Variants in PRKG1 observed in about 807,000 individuals in gnomAD.
PRKG1 encodes protein kinase cGMP-dependent 1.
Under a neutral mutation model 88.1 loss-of-function variants are expected in PRKG1, and 35 were observed. The observed-to-expected ratio is 0.40, with a 90% CI of 0.30 to 0.53. PRKG1 has a LOEUF of 0.53. Ranked by LOEUF, PRKG1 falls within the 20% of genes least tolerant of loss-of-function variation. PRKG1 has a pLI of 0.59. For synonymous variants in PRKG1, 303 were observed against 292.5 expected, an observed-to-expected ratio of 1.04 and a Z score of -0.37; for missense variants, 540 against 839.8, an observed-to-expected ratio of 0.64 and a Z score of 4.41.
At chr10:51,335,532 G>A (rs756351278) in intron 2 of PRKG1, among the ~76,000 whole-genome samples, 5 of 151,680 alleles carry the variant, frequency 3.3e-5, no homozygotes, top group Non-Finnish European at 5.9e-5. Context: ...ATTCATTTAT[G>A]CTACATATTT....
At chr10:52,277,973 A>C (rs1215596829) in intron 12 of PRKG1, among the ~76,000 whole-genome samples, 1 of 152,172 alleles carries the variant, frequency 6.6e-6, no homozygotes, top group East Asian at 1.9e-4. Flanking sequence ...AGCTTTCAAA[A>C]AGGCCCACTC....
chr10:52,150,987 C>A (rs916335283), intron 8 of PRKG1, among the ~76,000 whole-genome samples: 17 of 148,022 alleles, frequency 1.1e-4, no homozygotes, highest in Non-Finnish European at 1.9e-4. Context: ...ATAAATATGG[C>A]CTATTTGTTT....
At chr10:52,197,993 G>A (rs1839552117) in intron 9 of PRKG1, among the ~76,000 whole-genome samples, 1 of 152,084 alleles carries the variant, frequency 6.6e-6, no homozygotes, top group Non-Finnish European at 1.5e-5. Context: ...TTTACCCACT[G>A]GGAGGACACA....
chr10:51,556,950 C>A (rs1837328764), intron 3 of PRKG1, among the ~76,000 whole-genome samples: 1 of 149,782 alleles, frequency 6.7e-6, no homozygotes, highest in Admixed American at 6.7e-5. Flanking sequence ...TGTTGACTTT[C>A]ATGGAATTTA....
intron 2 of PRKG1, among the ~76,000 whole-genome samples, chr10:51,305,426 G>A (rs1402419404): frequency 6.6e-6 from 1 of 152,118 alleles, no homozygotes; most frequent in Non-Finnish European, 1.5e-5. Flanking sequence ...GGGGTGACTG[G>A]TAGATGCATT....
intron 7 of PRKG1, among the ~76,000 whole-genome samples, chr10:52,123,038 A>T (rs1847856262): frequency 6.6e-6 from 1 of 152,198 alleles, no homozygotes; most frequent in Non-Finnish European, 1.5e-5. Flanking sequence ...AAAATTGTCA[A>T]TATTTGGCTG....
rs552948877 is a variant in PRKG1, at chr10:51,776,076, T to C, written c.593-28509T>C. ...CCCCACTGAAACAAAAAGAAAATAT[T>C]AAGAGTACCTATTTCAGTGGGTTGT... On this transcript the variant is annotated intron_variant, in intron 3 of 17. Transcript: ENST00000373980. Among the ~76,000 whole-genome samples, 257 of 152,214 alleles carry C rather than the reference T, an allele frequency of 1.7e-3. 2 individuals carry two copies. The highest frequency in any genetic ancestry group is 6.1e-3 in the African/African-American group (252 of 41,514).
At chr10:51,381,664 A>G (rs1174737832) in intron 2 of PRKG1, among the ~76,000 whole-genome samples, 5 of 152,222 alleles carry the variant, frequency 3.3e-5, no homozygotes. Context: ...ATGGAAAAGA[A>G]CTAAGAATAT....
At chr10:52,230,195 A>G (rs1394080908) in intron 9 of PRKG1, among the ~76,000 whole-genome samples, 2 of 152,154 alleles carry the variant, frequency 1.3e-5, no homozygotes, top group Non-Finnish European at 2.9e-5. Flanking sequence ...CATTAACTTT[A>G]TATAGTAACA....
intron 8 of PRKG1, among the ~76,000 whole-genome samples, chr10:52,151,676 A>G (rs1837930865): frequency 6.6e-6 from 1 of 152,144 alleles, no homozygotes; most frequent in Non-Finnish European, 1.5e-5. Flanking sequence ...CATTGCATGG[A>G]CCATTTGATT....
chr10:51,437,136 A>C (rs1838955901), intron 2 of PRKG1, among the ~76,000 whole-genome samples: 1 of 152,004 alleles, frequency 6.6e-6, no homozygotes, highest in African/African-American at 2.4e-5. Flanking sequence ...AAGTCTAACT[A>C]GGAGAGATAA....
At chr10:51,452,400 C>G (rs1159857618) in intron 2 of PRKG1, among the ~76,000 whole-genome samples, 1 of 151,802 alleles carries the variant, frequency 6.6e-6, no homozygotes, top group Non-Finnish European at 1.5e-5. Flanking sequence ...CAACTTTTCC[C>G]CATTCAGTGT....
At chr10:51,841,686 T>G (rs192922153) in intron 4 of PRKG1, among the ~76,000 whole-genome samples, 3 of 151,848 alleles carry the variant, frequency 2.0e-5, no homozygotes, top group Non-Finnish European at 4.4e-5. Flanking sequence ...TTTTTATGTG[T>G]TTTTTTTCAT....
intron 9 of PRKG1, among the ~76,000 whole-genome samples, chr10:52,214,140 C>T (rs1240828786): frequency 2.6e-5 from 4 of 152,044 alleles, no homozygotes; most frequent in Non-Finnish European, 5.9e-5. Flanking sequence ...ATACACCCTC[C>T]CCAAACTCTA....
rs186481499 is a variant in PRKG1 at position 51,277,342 on chromosome 10, C to T, written c.478+124012C>T. On this transcript the variant is annotated intron_variant, in intron 2 of 17. Transcript: ENST00000373980. ...CTATAGCTCTGTTTTGGTACCAGTA[C>T]CATGCTGTTTTGGTTACTGTAGCCT... is the stretch of plus-strand genomic sequence containing the variant. Among the ~76,000 whole-genome samples, 186 of 152,286 alleles carry T rather than the reference C, an allele frequency of 1.2e-3. 1 individual carries two copies. Among genetic ancestry groups the T allele is most frequent in the Middle Eastern group, 0.01 (3 of 294 alleles).
At chr10:51,750,977 C>T (rs4505007) in intron 3 of PRKG1, among the ~76,000 whole-genome samples, 70,467 of 151,668 alleles carry the variant, frequency 0.46, 17,015 homozygotes, top group Middle Eastern at 0.62. Flanking sequence ...TCATCAGTGC[C>T]CCTTTTCTGG....
At chr10:51,380,850 G>A (rs900788830) in intron 2 of PRKG1, among the ~76,000 whole-genome samples, 1 of 152,084 alleles carries the variant, frequency 6.6e-6, no homozygotes, top group Non-Finnish European at 1.5e-5. Flanking sequence ...CGACGTCCAG[G>A]AAGATTGTAA....
chr10:51,731,171 A>G (rs1589240229), intron 3 of PRKG1, among the ~76,000 whole-genome samples: 3 of 152,124 alleles, frequency 2.0e-5, no homozygotes, highest in Admixed American at 6.6e-5. Context: ...AAACAAACAA[A>G]CAAACAAAAA....
chr10:51,269,933 A>C (rs1354718835), intron 2 of PRKG1, among the ~76,000 whole-genome samples: 3 of 152,240 alleles, frequency 2.0e-5, no homozygotes, highest in East Asian at 3.8e-4. Flanking sequence ...CAACATTTTA[A>C]TGCAGTTTGG....
Sources: gnomAD v4.1 joint callset for allele counts (sites outside exome capture counted in the v4.1 genomes callset) on GRCh38, gnomAD v4.1.1 for gene constraint, MANE v1.5 for transcripts, NCBI Gene and HGNC (gene_info 2026-07-23, HGNC 2026-07-21) for gene names.